USP7: variants seen among roughly 807,000 people sequenced by gnomAD.
USP7 encodes the protein ubiquitin specific peptidase 7.
Under a neutral mutation model 162.9 loss-of-function variants are expected in USP7, and 9 were observed. That is an observed-to-expected ratio of 0.06 (90% CI 0.03 to 0.10). The LOEUF (loss-of-function observed/expected upper bound fraction) is 0.10, where lower values mean the gene tolerates loss of function less well. Among genes scored for constraint, USP7 ranks in the 10% least tolerant of loss-of-function variants. The probability of loss-of-function intolerance (pLI) is 1.00; values close to 1 mark genes in which losing one functional copy is unlikely to be tolerated. For missense variants in USP7, 715 were observed against 1,373.7 expected (o/e 0.52, Z 7.58); for synonymous variants, 562 against 475.9 (o/e 1.18, Z -2.35).
intron 2 of USP7, 74 bp downstream of exon 2, chr16:8,930,219 T>C: frequency 8.5e-7 from 1 of 1,177,434 alleles, no homozygotes; most frequent in South Asian, 1.4e-5. Flanking sequence ...ACCCAAGAAG[T>C]ACCAAGCATG....
At chr16:8,894,974 G>A in intron 28 of USP7, 57 bp downstream of exon 28, 3 of 1,613,322 alleles carry the variant, frequency 1.9e-6, no homozygotes, top group Non-Finnish European at 2.5e-6. Flanking sequence ...GGCAACAGCG[G>A]CCACTCAAAG....
chr16:8,893,850 A>G lies in USP7; in HGVS notation c.*148T>C. 1 of 692,558 alleles carries G rather than the reference A, an allele frequency of 1.4e-6. No individual in the cohort carries two copies. The highest frequency in any genetic ancestry group is 2.5e-6 in the Non-Finnish European group (1 of 399,354). The allele number at this position is 692,558 out of a possible 1,614,324, so 42.9% of individuals were successfully genotyped here. On this transcript the variant is annotated 3_prime_UTR_variant, in exon 31 of 31. Transcript: ENST00000344836. ...GGCAGTCAATAGATACAGAGAAGCC[A>G]AACTGAACAGCCTCAATAAAATAAA...
At chr16:8,936,943 T>C (rs928124222) in intron 1 of USP7, among the ~76,000 whole-genome samples, 18 of 152,184 alleles carry the variant, frequency 1.2e-4, no homozygotes, top group African/African-American at 4.3e-4. Flanking sequence ...ATATAAATTG[T>C]TAACAACCCG....
intron 24 of USP7, 32 bp downstream of exon 24, chr16:8,898,499 T>C (rs779716006): frequency 2.5e-6 from 4 of 1,605,830 alleles, no homozygotes; most frequent in Non-Finnish European, 3.4e-6. Flanking sequence ...CTTCTCTTTA[T>C]GACCCATAGT....
chr16:8,901,998 G>A, intron 18 of USP7, 84 bp downstream of exon 18: 2 of 1,147,832 alleles, frequency 1.7e-6, no homozygotes, highest in Admixed American at 1.9e-5. Flanking sequence ...AGGGAAGAAG[G>A]CTTAACCCTG....
chr16:8,902,153 G>C lies in USP7; in HGVS notation c.1976C>G (p.Thr659Arg). ...IELSDNENPW[T>R]IFLETVDPEL... ...GGGATCAACTGTTTCCAGGAATATT[G>C]TCCAAGGGTTTTCATTATCACTGAG... Residue 659 changes from threonine (T) to arginine (R), a missense_variant, in exon 18 of 31, where the codon ACA becomes AGA. This residue lies in a region of USP7 where 197 missense variants were observed against 306.5 expected (regional missense o/e 0.64). Transcript: ENST00000344836. The C allele has an allele frequency of 6.2e-7, 1 of 1,614,176 alleles. No individual in the cohort carries two copies. Among genetic ancestry groups the C allele is most frequent in the Non-Finnish European group, 8.5e-7 (1 of 1,180,036 alleles).
intron 21 of USP7, 79 bp from the exon 22 acceptor site, chr16:8,899,836 CACAACAGTG>C: frequency 2.0e-5 from 30 of 1,505,616 alleles, no homozygotes; most frequent in Non-Finnish European, 2.7e-5. Flanking sequence ...TCATCTTTTA[CACAACAGTG>C]ACACCAACAG....
At chr16:8,908,905 A>C (rs1370947449) in intron 11 of USP7, among the ~76,000 whole-genome samples, 3 of 152,278 alleles carry the variant, frequency 2.0e-5, no homozygotes, top group African/African-American at 7.2e-5. Context: ...AGCAATGAAC[A>C]CAACTGATGA....
intron 1 of USP7, 58 bp from the exon 2 acceptor site, chr16:8,930,455 G>C: frequency 7.9e-7 from 1 of 1,271,850 alleles, no homozygotes; most frequent in Non-Finnish European, 1.1e-6. Flanking sequence ...AATAGAATAA[G>C]CAAAATATAA....
At chr16:8,930,950 C>A (rs1182895748) in intron 1 of USP7, among the ~76,000 whole-genome samples, 13 of 146,472 alleles carry the variant, frequency 8.9e-5, no homozygotes, top group African/African-American at 3.0e-4. Context: ...GCCTGGCCGT[C>A]AGGGTGAGAC....
Position 8,920,343 on chromosome 16 carries a change from T to G in USP7, c.611+16A>C. The G allele has an allele frequency of 6.2e-7, 1 of 1,601,520 alleles. No individual in the cohort carries two copies. Among genetic ancestry groups the G allele is most frequent in the Non-Finnish European group, 8.5e-7 (1 of 1,176,100 alleles). ...AAAAGACATTTTTAACAGCACCTGA[T>G]TAAAGAAAAACTTACGCAACTCCAT... On this transcript the variant is annotated intron_variant, in intron 5 of 30. Transcript: ENST00000344836.
intron 1 of USP7, among the ~76,000 whole-genome samples, chr16:8,942,926 CAGTCCTGTCCTACT>C (rs1899111850): frequency 6.6e-6 from 1 of 152,154 alleles, no homozygotes; most frequent in Admixed American, 6.5e-5. Context: ...TTCCAGGGGA[CAGTCCTGTCCTACT>C]AAGCTAGGTT....
intron 1 of USP7, among the ~76,000 whole-genome samples, chr16:8,941,809 C>T (rs1204996408): frequency 2.0e-5 from 3 of 152,176 alleles, no homozygotes; most frequent in South Asian, 2.1e-4. Flanking sequence ...TCCAAGCCTC[C>T]GTCTCTGACA....
chr16:8,920,686 C>T (rs1403876678), intron 4 of USP7, among the ~76,000 whole-genome samples: 3 of 152,098 alleles, frequency 2.0e-5, no homozygotes, highest in Non-Finnish European at 4.4e-5. Flanking sequence ...GGCTCAGTGC[C>T]ACAGCATGGA....
intron 8 of USP7, among the ~76,000 whole-genome samples, chr16:8,915,981 C>T (rs922024959): frequency 6.6e-6 from 1 of 152,190 alleles, no homozygotes; most frequent in Non-Finnish European, 1.5e-5. Context: ...AGCCAATCAC[C>T]TTGAACAGCC....
chr16:8,944,427 A>T (rs1032512494), intron 1 of USP7, among the ~76,000 whole-genome samples: 5 of 152,100 alleles, frequency 3.3e-5, no homozygotes. Context: ...CCTCTCTTAA[A>T]TGTCTGTTTT....
chr16:8,923,627 G>C (rs1197011095), intron 2 of USP7, among the ~76,000 whole-genome samples: 2 of 152,156 alleles, frequency 1.3e-5, no homozygotes, highest in Admixed American at 1.3e-4. Context: ...CCAAAACTCA[G>C]AGTGCTAACC....
intron 1 of USP7, among the ~76,000 whole-genome samples, chr16:8,942,532 T>C (rs1282693970): frequency 2.0e-5 from 3 of 152,296 alleles, no homozygotes; most frequent in East Asian, 1.9e-4. Flanking sequence ...TCTGGTCTTA[T>C]TAACAATATT....
At position 8,915,454 on chromosome 16, in the gene USP7, G is replaced by T. The variant is rs1202912243; in HGVS notation, c.978C>A (p.Gly326=). ...VEGTIPKLFR[G]KMVSYIQCKE... is the part of the protein sequence containing the mutation. Reference sequence around the variant, plus strand: ...ACTGGTAGCCACATACCACCATTTTGCCGCGGAATAATTTGGGTATGGTGC... The same window carrying T: ...ACTGGTAGCCACATACCACCATTTTTCCGCGGAATAATTTGGGTATGGTGC... The change falls in exon 9 of 31, where the codon GGC becomes GGA. Residue 326 remains glycine (G), a synonymous_variant. Transcript: ENST00000344836. 6 of 1,613,646 alleles carry T rather than the reference G, an allele frequency of 3.7e-6. No homozygotes were observed. The highest frequency in any genetic ancestry group is 5.1e-6 in the Non-Finnish European group (6 of 1,179,972).
Sources: gnomAD v4.1 joint callset for allele counts (sites outside exome capture counted in the v4.1 genomes callset) on GRCh38, gnomAD v4.1.1 for gene constraint, gnomAD v4.1.1 regional missense constraint, MANE v1.5 for transcripts, NCBI Gene and HGNC (gene_info 2026-07-23, HGNC 2026-07-21) for gene names.